The following DACH2 variants were observed in gnomAD, a reference collection of about 807,000 sequenced individuals.
DACH2 encodes the protein dachshund homolog 2.
A neutral mutation model predicts 35.8 loss-of-function variants in DACH2; 17 were observed. The ratio of observed to expected loss-of-function variants is 0.48; its 90% confidence interval spans 0.33 to 0.71. The LOEUF (loss-of-function observed/expected upper bound fraction) is 0.71, where lower values mean the gene tolerates loss of function less well. Among genes scored for constraint, DACH2 ranks in the 30% least tolerant of loss-of-function variants. The probability of loss-of-function intolerance (pLI) is 0.02; values close to 1 mark genes in which losing one functional copy is unlikely to be tolerated. For synonymous variants in DACH2, 195 were observed against 177.3 expected (o/e 1.10, Z -0.79); for missense variants, 469 against 472.7 (o/e 0.99, Z 0.07).
intron 1 of DACH2, among the ~76,000 whole-genome samples, chrX:86,193,484 T>C (rs777911422): frequency 8.9e-6 from 1 of 112,133 alleles, no homozygotes; most frequent in African/African-American, 3.2e-5. Flanking sequence ...TTTCCCCTTA[T>C]TTAAATCATG....
chrX:86,290,896 G>C (rs1440856633), intron 1 of DACH2, among the ~76,000 whole-genome samples: 1 of 107,516 alleles, frequency 9.3e-6, no homozygotes, highest in African/African-American at 3.4e-5. Context: ...GGATTGACTT[G>C]GCGATGCGGG....
chrX:86,550,278 T>C, intron 3 of DACH2, among the ~76,000 whole-genome samples: 1 of 111,571 alleles, frequency 9.0e-6, no homozygotes, highest in Non-Finnish European at 1.9e-5. Context: ...TTGTTTTACA[T>C]TTTTGGAATT....
intron 1 of DACH2, chrX:86,184,431 A>G: frequency 8.5e-6 from 1 of 117,768 alleles, no homozygotes; most frequent in South Asian, 2.7e-4. Flanking sequence ...CTGGTCTTGA[A>G]CTGTTGGCCT....
At chrX:86,249,875 T>C (rs1212495492) in intron 1 of DACH2, among the ~76,000 whole-genome samples, 2 of 111,644 alleles carry the variant, frequency 1.8e-5, no homozygotes, top group Admixed American at 9.5e-5. Context: ...ACAACCATAA[T>C]AAAGAATGAG....
intron 3 of DACH2, among the ~76,000 whole-genome samples, chrX:86,530,936 G>A (rs907777689): frequency 1.3e-4 from 15 of 111,913 alleles, no homozygotes; most frequent in African/African-American, 4.9e-4. Context: ...GGGAACTGGA[G>A]TAAAGGTCAC....
chrX:86,570,324 C>T (rs966224829), intron 3 of DACH2, among the ~76,000 whole-genome samples: 2 of 111,323 alleles, frequency 1.8e-5, no homozygotes, highest in Admixed American at 9.6e-5. Flanking sequence ...ACAGCAAAGA[C>T]ATGGAATCAA....
At chrX:86,507,199 T>A (rs769145069) in intron 2 of DACH2, among the ~76,000 whole-genome samples, 1 of 111,317 alleles carries the variant, frequency 9.0e-6, no homozygotes, top group Non-Finnish European at 1.9e-5. Flanking sequence ...TCTTAAGATA[T>A]CCTAAATTGT....
At chrX:86,228,765 T>C (rs1360110509) in intron 1 of DACH2, among the ~76,000 whole-genome samples, 1 of 112,151 alleles carries the variant, frequency 8.9e-6, no homozygotes, top group Non-Finnish European at 1.9e-5. Flanking sequence ...GTATCTTCTT[T>C]TGGGAATTGT....
chrX:86,523,596 G>A (rs370072818), intron 3 of DACH2, among the ~76,000 whole-genome samples: 2 of 110,799 alleles, frequency 1.8e-5, no homozygotes, highest in African/African-American at 3.3e-5. Context: ...GGGTTTTTTT[G>A]GACAATTCTG....
At position 86,695,251 on chromosome X, in the gene DACH2, G is replaced by A. The variant is rs1415313636; in HGVS notation, c.931+72G>A. 7.2e-6 allele frequency: 6 copies of A among 838,307 alleles called. No individual in the cohort carries two copies. The East Asian group carries it at 1.7e-4, about 24-fold the overall frequency. The allele number at this position is 838,307 out of a possible 1,213,427, so 69.1% of individuals were successfully genotyped here. Reference sequence around the variant, plus strand: ...ATCCAAGACCTACTAGAAACCTTTGGCTGGCAGGGCTTAGTCTATTTTTCT... The same window carrying A: ...ATCCAAGACCTACTAGAAACCTTTGACTGGCAGGGCTTAGTCTATTTTTCT... On this transcript the variant is annotated intron_variant, in intron 5 of 11. Coordinates refer to ENST00000373125, the MANE Select transcript of DACH2 (RefSeq NM_053281.3).
intron 1 of DACH2, among the ~76,000 whole-genome samples, chrX:86,295,122 G>T (rs1277623341): frequency 3.5e-5 from 4 of 112,760 alleles, no homozygotes; most frequent in Non-Finnish European, 5.6e-5. Context: ...ATAATCTGAT[G>T]CCCCGTTTTT....
At chrX:86,810,679 G>T (rs2042386395) in intron 7 of DACH2, among the ~76,000 whole-genome samples, 1 of 111,361 alleles carries the variant, frequency 9.0e-6, no homozygotes, top group Non-Finnish European at 1.9e-5. Context: ...GTTAATTGTT[G>T]AGAAATGTGC....
intron 3 of DACH2, among the ~76,000 whole-genome samples, chrX:86,596,050 T>A (rs1445970638): frequency 8.9e-6 from 1 of 111,819 alleles, no homozygotes; most frequent in Non-Finnish European, 1.9e-5. Flanking sequence ...TCATATAACA[T>A]AATGTTTTCA....
intron 1 of DACH2, among the ~76,000 whole-genome samples, chrX:86,277,030 A>C (rs2033928469): frequency 9.0e-6 from 1 of 111,687 alleles, no homozygotes; most frequent in Non-Finnish European, 1.9e-5. Context: ...TTGTAGTTCC[A>C]AATAAACTTT....
chrX:86,292,733 G>A (rs1004528351), intron 1 of DACH2, among the ~76,000 whole-genome samples: 1 of 111,945 alleles, frequency 8.9e-6, no homozygotes, highest in African/African-American at 3.3e-5. Context: ...TAGTTGAGCG[G>A]TTTTGAGTGA....
intron 3 of DACH2, among the ~76,000 whole-genome samples, chrX:86,545,266 T>G (rs1228733589): frequency 9.0e-6 from 1 of 111,123 alleles, no homozygotes; most frequent in Non-Finnish European, 1.9e-5. Flanking sequence ...ATGGATGGAG[T>G]TGGTGACCAT....
chrX:86,830,426 T>A (rs952994489), intron 11 of DACH2: 8 of 112,047 alleles, frequency 7.1e-5, no homozygotes, highest in African/African-American at 1.9e-4. Context: ...AAAAGTTGAT[T>A]CACTTAATAT....
In DACH2 at chrX:86,160,037, C is replaced by A. The variant is rs1370356574; in HGVS notation, c.488+10929C>A. On this transcript the variant is annotated intron_variant, in intron 1 of 11. Transcript: ENST00000373125. Reference sequence around the variant, plus strand: ...AAAAACTAATAACTTAAAACTGCCACATGTAAAAAAAAAAACAAAAAAAAC... The same window carrying A: ...AAAAACTAATAACTTAAAACTGCCAAATGTAAAAAAAAAAACAAAAAAAAC... 2.9e-5 allele frequency among the ~76,000 whole-genome samples: 3 copies of A among 104,323 alleles called. No homozygotes were observed. The East Asian group carries it at 8.8e-4, about 31-fold the overall frequency. 90.6% of individuals were successfully genotyped at this position (104,323 alleles called of 115,157 possible). A position where few individuals can be genotyped will look rare whatever the true frequency, so the allele number is the denominator to read the frequency against.
rs753885593 is a variant in DACH2 at position 86,691,922 on chromosome X, G to T, written c.773-3099G>T. 1.8e-5 allele frequency among the ~76,000 whole-genome samples: 2 copies of T among 111,759 alleles called. 1 individual carries two copies. Among genetic ancestry groups the T allele is most frequent in the Non-Finnish European group, 3.8e-5 (2 of 53,178 alleles). Reference sequence around the variant, plus strand: ...TAGCTTAGATTAGTCAAAATACTTTGCTAGTTTTAAGGGCAATGGGTATTA... The same window carrying T: ...TAGCTTAGATTAGTCAAAATACTTTTCTAGTTTTAAGGGCAATGGGTATTA... On this transcript the variant is annotated intron_variant, in intron 4 of 11. Coordinates refer to ENST00000373125, the MANE Select transcript of DACH2 (RefSeq NM_053281.3).
Sources: gnomAD v4.1 joint callset for allele counts (sites outside exome capture counted in the v4.1 genomes callset) on GRCh38, gnomAD v4.1.1 for gene constraint, MANE v1.5 for transcripts, NCBI Gene and HGNC (gene_info 2026-07-23, HGNC 2026-07-21) for gene names.